KIAA1549L: variants seen among roughly 807,000 people sequenced by gnomAD.
KIAA1549L encodes the protein UPF0606 protein KIAA1549L.
In KIAA1549L, 88 loss-of-function variants were observed where a neutral mutation model predicts 160.7. The ratio of observed to expected loss-of-function variants is 0.55; its 90% CI spans 0.46 to 0.65. The LOEUF is 0.65. Ranked by LOEUF, KIAA1549L falls within the 30% of genes least tolerant of loss-of-function variation. The pLI, the probability that KIAA1549L is intolerant of heterozygous loss-of-function variation, is 0.00. For synonymous variants in KIAA1549L, 950 were observed against 976.7 expected (o/e 0.97, Z 0.51); for missense variants, 2,258 against 2,437.5 (o/e 0.93, Z 1.55).
chr11:33,546,155 A>C (rs955618286), intron 3 of KIAA1549L, among the ~76,000 whole-genome samples: 1 of 152,254 alleles, frequency 6.6e-6, no homozygotes, highest in African/African-American at 2.4e-5. Context: ...TTGAAAGAGC[A>C]TGCCAATGTT....
intron 16 of KIAA1549L, among the ~76,000 whole-genome samples, chr11:33,626,220 T>G (rs1273350103): frequency 7.0e-6 from 1 of 143,052 alleles, no homozygotes; most frequent in Non-Finnish European, 1.5e-5. Context: ...TTCTTTTGGC[T>G]TAGGATTGAC....
At chr11:33,469,219 A>G (rs1362542178) in intron 1 of KIAA1549L, among the ~76,000 whole-genome samples, 1 of 151,830 alleles carries the variant, frequency 6.6e-6, no homozygotes, top group Admixed American at 6.6e-5. Flanking sequence ...AGTCCTACGC[A>G]ATCTACCTTC....
chr11:33,516,601 G>A (rs186347249), intron 1 of KIAA1549L, among the ~76,000 whole-genome samples: 28 of 152,316 alleles, frequency 1.8e-4, no homozygotes, highest in African/African-American at 6.7e-4. Context: ...GATATGTGAA[G>A]CCATTATTCC....
chr11:33,471,048 T>C (rs1398771575), intron 1 of KIAA1549L, among the ~76,000 whole-genome samples: 1 of 152,036 alleles, frequency 6.6e-6, no homozygotes, highest in Non-Finnish European at 1.5e-5. Flanking sequence ...TTCAAACTCC[T>C]GGGCTCAAGG....
At chr11:33,649,049 A>C (rs553411043) in intron 17 of KIAA1549L, among the ~76,000 whole-genome samples, 14 of 152,296 alleles carry the variant, frequency 9.2e-5, no homozygotes, top group African/African-American at 3.4e-4. Flanking sequence ...GAAGTAAAGA[A>C]ACTTGCCCAA....
Position 33,382,070 on chromosome 11 carries a change from A to G in KIAA1549L, c.238+5181A>G, listed in dbSNP as rs1015303949. Reference sequence around the variant, plus strand: ...GAATTCTAGGGCGATAACAGGTCCTAAGGCATACATTTTGGAGCCATCAGC... The same window carrying G: ...GAATTCTAGGGCGATAACAGGTCCTGAGGCATACATTTTGGAGCCATCAGC... On this transcript the variant is annotated intron_variant, in intron 1 of 20. Transcript: ENST00000658780. Among the ~76,000 whole-genome samples the G allele has an allele frequency of 9.2e-5, 14 of 152,180 alleles. 1 individual carries two copies. The highest frequency in any genetic ancestry group is 2.4e-4 in the African/African-American group (10 of 41,430).
At chr11:33,535,776 T>TTAGA (rs1853880593) in intron 1 of KIAA1549L, among the ~76,000 whole-genome samples, 1 of 152,168 alleles carries the variant, frequency 6.6e-6, no homozygotes, top group South Asian at 2.1e-4. Flanking sequence ...TGGGGTCACA[T>TTAGA]TAGAGTCTGC....
chr11:33,655,140 G>A (rs918108958), intron 17 of KIAA1549L, among the ~76,000 whole-genome samples: 2 of 152,146 alleles, frequency 1.3e-5, no homozygotes, highest in Admixed American at 1.3e-4. Flanking sequence ...TTCTAATCCT[G>A]TCTGTCTCTG....
intron 6 of KIAA1549L, among the ~76,000 whole-genome samples, chr11:33,553,126 C>G (rs1399463173): frequency 1.3e-5 from 2 of 152,120 alleles, no homozygotes; most frequent in African/African-American, 4.8e-5. Context: ...TTTAGATGCT[C>G]TAAACAGCCC....
chr11:33,597,800 G>C (rs1361034934), intron 12 of KIAA1549L, among the ~76,000 whole-genome samples: 1 of 152,182 alleles, frequency 6.6e-6, no homozygotes, highest in Non-Finnish European at 1.5e-5. Flanking sequence ...GGACAGCAAA[G>C]GGAAGGTGTT....
chr11:33,410,974 G>A (rs968675373), intron 1 of KIAA1549L, among the ~76,000 whole-genome samples: 3 of 152,178 alleles, frequency 2.0e-5, no homozygotes, highest in African/African-American at 4.8e-5. Context: ...GACTGGATTT[G>A]GCCACACAAG....
chr11:33,467,832 C>A (rs1316067716), intron 1 of KIAA1549L, among the ~76,000 whole-genome samples: 1 of 152,132 alleles, frequency 6.6e-6, no homozygotes, highest in African/African-American at 2.4e-5. Flanking sequence ...TCGTTTCATA[C>A]CATCCTGGAG....
chr11:33,539,886 A>C (rs1371969371), intron 1 of KIAA1549L, among the ~76,000 whole-genome samples: 1 of 152,192 alleles, frequency 6.6e-6, no homozygotes, highest in African/African-American at 2.4e-5. Context: ...TGACTTTCAC[A>C]TGTGAATGTC....
chr11:33,622,216 G>A (rs993616168), intron 16 of KIAA1549L, among the ~76,000 whole-genome samples: 1 of 152,162 alleles, frequency 6.6e-6, no homozygotes, highest in Non-Finnish European at 1.5e-5. Flanking sequence ...ATAAAAAGGG[G>A]TATCAGGCGA....
In KIAA1549L at chr11:33,554,395, G is replaced by A. The variant is rs115837898; in HGVS notation, c.3855+2154G>A. Among the ~76,000 whole-genome samples the A allele has an allele frequency of 9.4e-4, 143 of 152,342 alleles. 1 individual carries two copies. The highest frequency in any genetic ancestry group is 3.4e-3 in the African/African-American group (140 of 41,574). ...TGCCAGGGACAGAATCTAAGCTGATGAAGCTTAAGCAAAAAGAGGAAGTGA... is the reference window on the plus strand; with the variant it reads ...TGCCAGGGACAGAATCTAAGCTGATAAAGCTTAAGCAAAAAGAGGAAGTGA... On this transcript the variant is annotated intron_variant, in intron 6 of 20. Transcript: ENST00000658780.
chr11:33,662,226 A>AT (rs760385453), intron 20 of KIAA1549L, among the ~76,000 whole-genome samples: 5 of 151,566 alleles, frequency 3.3e-5, no homozygotes, highest in Admixed American at 1.3e-4. Flanking sequence ...GGCCCAGTAT[A>AT]TTTTTTTTCT....
chr11:33,452,808 G>T (rs996306201), intron 1 of KIAA1549L, among the ~76,000 whole-genome samples: 1 of 152,122 alleles, frequency 6.6e-6, no homozygotes, highest in Non-Finnish European at 1.5e-5. Flanking sequence ...CTGGCACTTT[G>T]TGGATCTTCC....
intron 1 of KIAA1549L, among the ~76,000 whole-genome samples, chr11:33,477,552 C>T (rs1424575149): frequency 6.6e-6 from 1 of 150,512 alleles, no homozygotes; most frequent in Admixed American, 6.6e-5. Context: ...CGACACTACC[C>T]CCCTTTGCAT....
intron 16 of KIAA1549L, among the ~76,000 whole-genome samples, chr11:33,635,910 C>G (rs1851424491): frequency 6.6e-6 from 1 of 152,172 alleles, no homozygotes; most frequent in Non-Finnish European, 1.5e-5. Context: ...ATGGTTTCAG[C>G]TACTTACGGT....
Sources: gnomAD v4.1 joint callset for allele counts (sites outside exome capture counted in the v4.1 genomes callset) on GRCh38, gnomAD v4.1.1 for gene constraint, MANE v1.5 for transcripts, NCBI Gene and HGNC (gene_info 2026-07-23, HGNC 2026-07-21) for gene names.